Variants in GRIP1 observed in about 807,000 individuals in gnomAD.
The protein encoded by GRIP1 is glutamate receptor-interacting protein 1.
A neutral mutation model predicts 129.9 loss-of-function variants in GRIP1; 45 were observed. That is an observed-to-expected ratio of 0.35 (90% CI 0.27 to 0.44). The LOEUF is 0.44. Among genes scored for constraint, GRIP1 ranks in the 20% least tolerant of loss-of-function variants. GRIP1 has a pLI of 1.00. For missense variants in GRIP1, 1,196 were observed against 1,396.8 expected (o/e 0.86, Z 2.29); for synonymous variants, 530 against 520.8 (o/e 1.02, Z -0.24).
At chr12:67,024,220 CACAA>C (rs1472651222) in intron 1 of GRIP1, among the ~76,000 whole-genome samples, 1 of 152,078 alleles carries the variant, frequency 6.6e-6, no homozygotes, top group South Asian at 2.1e-4. Flanking sequence ...AAAGATGAAA[CACAA>C]ACAAATAATC....
chr12:67,061,056 A>C (rs555255817), intron 1 of GRIP1, among the ~76,000 whole-genome samples: 3 of 152,302 alleles, frequency 2.0e-5, no homozygotes, highest in Non-Finnish European at 4.4e-5. Context: ...GCCTTGGATA[A>C]CTGCAACATT....
intron 1 of GRIP1, among the ~76,000 whole-genome samples, chr12:66,633,296 A>G (rs919171452): frequency 7.6e-6 from 1 of 132,006 alleles, no homozygotes; most frequent in Admixed American, 7.7e-5. Flanking sequence ...ATACTATACC[A>G]TACTACACTA....
chr12:66,378,621 C>T (rs1309085928), intron 20 of GRIP1, among the ~76,000 whole-genome samples: 3 of 151,512 alleles, frequency 2.0e-5, no homozygotes, highest in Non-Finnish European at 4.4e-5. Context: ...GTGGTGCATG[C>T]CTGTAATCCC....
intron 1 of GRIP1, among the ~76,000 whole-genome samples, chr12:66,942,663 G>C (rs916562050): frequency 2.0e-5 from 3 of 152,150 alleles, no homozygotes; most frequent in Non-Finnish European, 2.9e-5. Flanking sequence ...GACTTCAATT[G>C]TAAGTGGTGC....
intron 1 of GRIP1, among the ~76,000 whole-genome samples, chr12:66,649,324 G>A: frequency 6.6e-6 from 1 of 152,158 alleles, no homozygotes; most frequent in East Asian, 1.9e-4. Flanking sequence ...ACTAGAGAAA[G>A]CCATCAGCTC....
Position 66,674,803 on chromosome 12 carries a change from A to T in GRIP1, c.55+4047T>A, listed in dbSNP as rs188460455. Among the ~76,000 whole-genome samples, 95 of 152,306 alleles carry T rather than the reference A, an allele frequency of 6.2e-4. 1 individual carries two copies. The highest frequency in any genetic ancestry group is 6.8e-3 in the Middle Eastern group (2 of 294). ...CAGCCTTTTAATCTTGCTCAGTGCC[A>T]GTGGAGAGAGCAATACCCATACATG... On this transcript the variant is annotated intron_variant, in intron 1 of 24. Transcript: ENST00000359742.
chr12:66,621,803 C>T (rs1345795178), intron 1 of GRIP1, among the ~76,000 whole-genome samples: 4 of 152,072 alleles, frequency 2.6e-5, no homozygotes, highest in Non-Finnish European at 4.4e-5. Context: ...ATATAAAGTG[C>T]TATCTTACTA....
intron 1 of GRIP1, among the ~76,000 whole-genome samples, chr12:66,834,573 AAT>A: frequency 6.6e-6 from 1 of 152,290 alleles, no homozygotes; most frequent in Non-Finnish European, 1.5e-5. Flanking sequence ...GTTAAAAGCC[AAT>A]ATGTTATCAT....
intron 1 of GRIP1, among the ~76,000 whole-genome samples, chr12:66,902,274 T>C (rs534464219): frequency 6.6e-6 from 1 of 152,330 alleles, no homozygotes; most frequent in Admixed American, 6.5e-5. Flanking sequence ...ATTCACATAT[T>C]TAGCAAAATT....
chr12:66,666,471 T>C (rs1195409115), intron 1 of GRIP1, among the ~76,000 whole-genome samples: 3 of 151,832 alleles, frequency 2.0e-5, no homozygotes, highest in Non-Finnish European at 2.9e-5. Context: ...AGAAAAATTA[T>C]ATCTTTACTT....
intron 1 of GRIP1, among the ~76,000 whole-genome samples, chr12:66,699,571 C>T (rs1381803786): frequency 6.6e-6 from 1 of 152,140 alleles, no homozygotes; most frequent in Non-Finnish European, 1.5e-5. Context: ...TCGCCTTCCA[C>T]CATGATTGTG....
intron 7 of GRIP1, among the ~76,000 whole-genome samples, chr12:66,493,278 T>C (rs1488810034): frequency 6.6e-6 from 1 of 152,134 alleles, no homozygotes; most frequent in East Asian, 1.9e-4. Flanking sequence ...GGGGTTCAAA[T>C]TGAGTTTGGT....
intron 1 of GRIP1, among the ~76,000 whole-genome samples, chr12:66,927,078 T>C (rs2041309179): frequency 6.6e-6 from 1 of 152,206 alleles, no homozygotes; most frequent in Non-Finnish European, 1.5e-5. Flanking sequence ...CATTATATCA[T>C]GGTTTCACAG....
At chr12:66,507,342 T>G (rs955142026) in intron 7 of GRIP1, among the ~76,000 whole-genome samples, 2 of 151,524 alleles carry the variant, frequency 1.3e-5, no homozygotes, top group Non-Finnish European at 2.9e-5. Flanking sequence ...GGAGGCTGAG[T>G]CAGGAGAATG....
At chr12:66,449,939 C>G (rs543912515) in intron 11 of GRIP1, among the ~76,000 whole-genome samples, 1 of 152,020 alleles carries the variant, frequency 6.6e-6, no homozygotes, top group East Asian at 1.9e-4. Flanking sequence ...TACAGATTAT[C>G]GGACTACTTA....
chr12:66,923,056 C>A (rs73132056), intron 1 of GRIP1, among the ~76,000 whole-genome samples: 31 of 152,282 alleles, frequency 2.0e-4, no homozygotes, highest in Non-Finnish European at 4.4e-4. Context: ...TCGCTACCTA[C>A]CTCAACATTT....
chr12:66,844,900 T>C (rs1703053013), intron 1 of GRIP1, among the ~76,000 whole-genome samples: 1 of 152,174 alleles, frequency 6.6e-6, no homozygotes, highest in Admixed American at 6.5e-5. Context: ...ATATGAGGTT[T>C]CTAGAATAGT....
At chr12:66,454,073 A>T (rs2058883363) in intron 11 of GRIP1, among the ~76,000 whole-genome samples, 1 of 152,240 alleles carries the variant, frequency 6.6e-6, no homozygotes, top group African/African-American at 2.4e-5. Flanking sequence ...AGTATGTGCA[A>T]GTCTAAATCA....
At chr12:67,035,368 G>A (rs538742290) in intron 1 of GRIP1, 3 of 152,288 alleles carry the variant, frequency 2.0e-5, no homozygotes, top group African/African-American at 7.2e-5. Flanking sequence ...AGTCCCTTAA[G>A]TTAGGGAACA....
Sources: gnomAD v4.1 joint callset for allele counts (sites outside exome capture counted in the v4.1 genomes callset) on GRCh38, gnomAD v4.1.1 for gene constraint, MANE v1.5 for transcripts, NCBI Gene and HGNC (gene_info 2026-07-23, HGNC 2026-07-21) for gene names.